Variants in DEAF1 observed in about 807,000 individuals in gnomAD.
DEAF1 encodes the protein deformed epidermal autoregulatory factor 1 homolog.
In DEAF1, 53 loss-of-function variants were observed where a neutral mutation model predicts 58.9. The ratio of observed to expected loss-of-function variants is 0.90; its 90% CI spans 0.72 to 1.13. The LOEUF (loss-of-function observed/expected upper bound fraction) is 1.13, where lower values mean the gene tolerates loss of function less well. Ranked by LOEUF, DEAF1 falls within the 50% of genes most tolerant of loss-of-function variation. DEAF1 has a pLI of 0.00. For synonymous variants in DEAF1, 385 were observed against 340.4 expected, an observed-to-expected ratio of 1.13 and a Z score of -1.44; for missense variants, 685 against 791.4, an observed-to-expected ratio of 0.87 and a Z score of 1.61.
intron 1 of DEAF1, chr11:703,374 G>A: frequency 1.4e-6 from 2 of 1,385,594 alleles, no homozygotes; most frequent in South Asian, 1.9e-5. Flanking sequence ...GGAGGGTAGG[G>A]ACCAGACAGA....
At chr11:675,380 C>T (rs1042686267) in intron 9 of DEAF1, among the ~76,000 whole-genome samples, 3 of 152,010 alleles carry the variant, frequency 2.0e-5, no homozygotes, top group Admixed American at 6.6e-5. Context: ...AAACAAAGAA[C>T]TAGATGGGCA....
Position 694,780 on chromosome 11 carries a change from CGGCCTCGTCGGGGCCGGGCAG to C in DEAF1, c.247_267del (p.Leu83_Ala89del). The C allele has an allele frequency of 1.5e-6, 2 of 1,333,306 alleles. No individual in the cohort carries two copies. Among genetic ancestry groups the C allele is most frequent in the Non-Finnish European group, 1.9e-6 (2 of 1,047,906 alleles). 82.6% of individuals were successfully genotyped at this position (1,333,306 alleles called of 1,614,324 possible). A position where few individuals can be genotyped will look rare whatever the true frequency, so the allele number is the denominator to read the frequency against. On this transcript the variant is annotated inframe_deletion, in exon 1 of 12. Transcript: ENST00000382409. Reference sequence around the variant, plus strand: ...TTGCCTGCGAAGGCTGCGGCAGCGGCGGCCTCGTCGGGGCCGGGCAGGGCCTCGGCGCCCATGTCCATGTGC... The same window carrying C: ...TTGCCTGCGAAGGCTGCGGCAGCGGCGGCCTCGGCGCCCATGTCCATGTGC...
Position 681,018 on chromosome 11 carries a change from C to T in DEAF1, c.942G>A (p.Val314=). Residue 314 remains valine (V), a synonymous_variant, in exon 7 of 12, where the codon GTG becomes GTA. Coordinates refer to ENST00000382409, the MANE Select transcript of DEAF1 (RefSeq NM_021008.4). The stretch of plus-strand genomic sequence containing the variant: ...TGATGTTCTTGGGGGAGTCCTTCTT[C>T]ACGGGAGTTGTGGGCAGTTCATTCT... ...KKENELPTTP[V]KKDSPKNITL... is the part of the protein sequence containing the mutation. 1 of 1,614,162 alleles carries T rather than the reference C, an allele frequency of 6.2e-7. No individual in the cohort carries two copies. Among genetic ancestry groups the T allele is most frequent in the Non-Finnish European group, 8.5e-7 (1 of 1,180,028 alleles).
At chr11:665,074 G>A (rs1859458592) in intron 10 of DEAF1, among the ~76,000 whole-genome samples, 2 of 112,686 alleles carry the variant, frequency 1.8e-5, no homozygotes, top group Non-Finnish European at 1.9e-5. Context: ...CGTCACACTC[G>A]GTCACTCTGA....
intron 11 of DEAF1, among the ~76,000 whole-genome samples, chr11:650,876 G>A (rs1858734151): frequency 1.3e-5 from 2 of 152,108 alleles, no homozygotes; most frequent in Non-Finnish European, 1.5e-5. Context: ...GCTCCAGTCT[G>A]GGTGACAGAG....
chr11:674,284 G>A (rs1766492848), intron 10 of DEAF1: 11 of 520,618 alleles, frequency 2.1e-5, no homozygotes, highest in South Asian at 1.2e-4. Flanking sequence ...CGGCCGATGC[G>A]CACAAAATTG....
chr11:707,075 G>T (rs1358805587), exon 1 of DEAF1, among the ~76,000 whole-genome samples: 1 of 151,984 alleles, frequency 6.6e-6, no homozygotes, highest in East Asian at 1.9e-4. Context: ...GTCCTGGGTC[G>T]GCTGTGCTGG....
intron 10 of DEAF1, among the ~76,000 whole-genome samples, chr11:671,976 G>T (rs576588501): frequency 6.6e-6 from 1 of 152,050 alleles, no homozygotes; most frequent in Non-Finnish European, 1.5e-5. Flanking sequence ...TGCCATGATG[G>T]TGAGACCTCC....
chr11:695,928 T>C, upstream of DEAF1: 1 of 1,074,740 alleles, frequency 9.3e-7, no homozygotes. Flanking sequence ...GGTTTCCGCT[T>C]TCGGTGCGCT....
intron 11 of DEAF1, among the ~76,000 whole-genome samples, chr11:646,970 C>G (rs1858525213): frequency 7.0e-6 from 1 of 143,700 alleles, no homozygotes; most frequent in Non-Finnish European, 1.5e-5. Context: ...AGCAACATAG[C>G]AAAACCCTAT....
rs746293140 is a variant in DEAF1, at chr11:687,935, G to A, written c.640C>T (p.Leu214=). 3 of 1,614,088 alleles carry A rather than the reference G, an allele frequency of 1.9e-6. No homozygotes were observed. The highest frequency in any genetic ancestry group is 2.5e-6 in the Non-Finnish European group (3 of 1,180,032). The change falls in exon 4 of 12, where the codon CTG becomes TTG. Residue 214 remains leucine, a synonymous_variant. Coordinates refer to ENST00000382409, the MANE Select transcript of DEAF1 (RefSeq NM_021008.4). ...PVRCRNISGT[L]YKNRLGSGGR... ...CCTGAGCCGAGCCTGTTCTTGTACA[G>A]AGTGCCGCTGATGTTCCGGCACCGT...
chr11:703,733 TA>T, intron 1 of DEAF1: 1 of 1,232,568 alleles, frequency 8.1e-7, no homozygotes, highest in Non-Finnish European at 1.0e-6. Flanking sequence ...CCTAAAGCAA[TA>T]AATGCAAACA....
chr11:644,730 C>T lies in DEAF1; in HGVS notation c.1594-76G>A, dbSNP rs973175401. The T allele has an allele frequency of 5.0e-6, 6 of 1,200,102 alleles. No individual in the cohort carries two copies. The highest frequency in any genetic ancestry group is 7.2e-6 in the Non-Finnish European group (6 of 836,932). The allele number at this position is 1,200,102 out of a possible 1,614,324, so 74.3% of individuals were successfully genotyped here. On this transcript the variant is annotated intron_variant, in intron 11 of 11. Coordinates refer to ENST00000382409, the MANE Select transcript of DEAF1 (RefSeq NM_021008.4). This position sits in a 1 kb window ranked among gnomAD's most constrained non-coding sequence, Gnocchi z 4.3. ...TCTGGGCAGGGTCCCCAAGGCAGAC[C>T]CCAGAGGGTGCAGCCCTCTGTAACC... is the stretch of plus-strand genomic sequence containing the variant.
chr11:645,489 T>C (rs920583583), intron 11 of DEAF1, among the ~76,000 whole-genome samples: 12 of 152,112 alleles, frequency 7.9e-5, no homozygotes, highest in African/African-American at 2.7e-4. Context: ...GCTAATGTTT[T>C]GCATTTTTAG....
chr11:682,661 G>A (rs538551280), intron 6 of DEAF1, among the ~76,000 whole-genome samples: 11 of 152,284 alleles, frequency 7.2e-5, no homozygotes, highest in South Asian at 2.1e-4. Context: ...TGCATTAGCC[G>A]GGTTCTGTGT....
At chr11:699,818 G>A (rs1481761485), upstream of DEAF1, 8 of 293,790 alleles carry the variant, frequency 2.7e-5, no homozygotes, top group Non-Finnish European at 4.4e-5. Flanking sequence ...CAAAGGCAGG[G>A]TGACATCACT....
In DEAF1 at chr11:654,018, T is replaced by C. The variant is rs1858921558; in HGVS notation, c.1537A>G (p.Ser513Gly). 1 of 1,613,590 alleles carries C rather than the reference T, an allele frequency of 6.2e-7. No homozygotes were observed. Residue 513 changes from serine (S) to glycine (G), a missense_variant, in exon 11 of 12, where the codon AGC (serine) becomes GGC (glycine). Around this residue, in one of 3 missense-constraint regions of DEAF1, gnomAD observed 343 missense variants for 379.8 expected, o/e 0.90. Coordinates refer to ENST00000382409, the MANE Select transcript of DEAF1 (RefSeq NM_021008.4). The stretch of plus-strand genomic sequence containing the variant: ...ACCTTGTGGCAGCCGGTGCACTCGC[T>C]CATAGCCTCCCGGCCGCAGTTAACG... ...SCVNCGREAM[S>G]ECTGCHKVNY...
chr11:702,479 G>C (rs11823302), intron 1 of DEAF1, among the ~76,000 whole-genome samples: 1 of 152,214 alleles, frequency 6.6e-6, no homozygotes, highest in African/African-American at 2.4e-5. Context: ...GGCTCAGCTA[G>C]TGACTGACCC....
chr11:696,815 C>G (rs1375077978), upstream of DEAF1, among the ~76,000 whole-genome samples: 1 of 12,414 alleles, frequency 8.1e-5, no homozygotes, highest in African/African-American at 1.8e-4. Flanking sequence ...CGCAGTAGCT[C>G]ACGCCTGTAA....
Sources: allele counts gnomAD v4.1 joint callset (sites outside exome capture counted in the v4.1 genomes callset), GRCh38; gene constraint gnomAD v4.1.1; regional missense constraint gnomAD v4.1.1; non-coding constraint Gnocchi (gnomAD v3.1); transcripts MANE v1.5; gene names NCBI Gene and HGNC (gene_info 2026-07-23, HGNC 2026-07-21).